Variants in DNAH10 observed in about 807,000 individuals in gnomAD.
The protein encoded by DNAH10 is axonemal beta dynein heavy chain 10.
A neutral mutation model predicts 506.6 loss-of-function variants in DNAH10; 348 were observed. The ratio of observed to expected loss-of-function variants is 0.69; its 90% CI spans 0.63 to 0.75. The LOEUF (loss-of-function observed/expected upper bound fraction) is 0.75, where lower values mean the gene tolerates loss of function less well. DNAH10 is among the 30% of genes least tolerant of loss of function. The probability of loss-of-function intolerance (pLI) is 0.00; values close to 1 mark genes in which losing one functional copy is unlikely to be tolerated. For missense variants in DNAH10, 5,179 were observed against 5,787.1 expected (o/e 0.89, Z 3.41); for synonymous variants, 2,059 against 2,198.6 (o/e 0.94, Z 1.78).
rs199610890 is a variant in DNAH10, at chr12:123,853,246, G to A, written c.6332G>A (p.Arg2111Gln). Residue 2111 changes from arginine (R) to glutamine (Q), a missense_variant, in exon 36 of 79, where the codon CGG (arginine) becomes CAG (glutamine). By Grantham distance (43) the Arg-to-Gln change is conservative. This residue lies in a region of DNAH10 where 4,844 missense variants were observed against 5,430.5 expected (regional missense o/e 0.89). Coordinates refer to ENST00000673944, the MANE Select transcript of DNAH10 (RefSeq NM_001372106.1). The surrounding 1 kb of genome is among the most constrained non-coding windows in gnomAD (Gnocchi z 4.7). ...KKMTVLYKLA[R>Q]EQLSKQYHYD... ...ATGACGGTTCTGTATAAGCTGGCCC[G>A]GGAGCAGCTGTCCAAGCAGTATCAC... The A allele has an allele frequency of 5.7e-5, 91 of 1,610,412 alleles. No individual in the cohort carries two copies. In the African/African-American group the frequency reaches 8.3e-4, roughly 15 times the overall value.
intron 2 of DNAH10, among the ~76,000 whole-genome samples, chr12:123,769,924 T>TTTG (rs1957186036): frequency 1.3e-5 from 2 of 148,338 alleles, no homozygotes; most frequent in Non-Finnish European, 1.5e-5. Flanking sequence ...TGGCTAAGGT[T>TTTG]TTTTTTTTTT....
intron 22 of DNAH10, 36 bp from the exon 23 acceptor site, chr12:123,819,112 A>G: frequency 1.9e-6 from 3 of 1,605,214 alleles, no homozygotes; most frequent in Non-Finnish European, 2.6e-6. Flanking sequence ...TGAAAAACGT[A>G]TTTGGGCTAA....
chr12:123,796,365 G>A (rs531136235), intron 12 of DNAH10, among the ~76,000 whole-genome samples: 1 of 152,254 alleles, frequency 6.6e-6, no homozygotes, highest in Admixed American at 6.5e-5. Context: ...GCTGAGGCAA[G>A]AGAATCACTT....
At chr12:123,778,527 C>G (rs1957524311) in intron 5 of DNAH10, among the ~76,000 whole-genome samples, 1 of 152,064 alleles carries the variant, frequency 6.6e-6, no homozygotes, top group East Asian at 2.0e-4. Context: ...AAACCTCCAT[C>G]TCTACTAAAA....
rs756003442 is a variant in DNAH10 at position 123,931,663 on chromosome 12, A to G, written c.12944A>G (p.Asp4315Gly). Residue 4315 changes from aspartate to glycine, a missense_variant, in exon 75 of 79, where the codon GAT becomes GGT. By Grantham distance (94) the Asp-to-Gly change is moderately conservative. Coordinates refer to ENST00000673944, the MANE Select transcript of DNAH10 (RefSeq NM_001372106.1). ...GAATCCAGCAGTGGTATCAGCCGCG[A>G]TGATTATATTGGCCAAGTGGCCAAA... ...TGESSSGISR[D>G]DYIGQVAKEI... The G allele has an allele frequency of 6.2e-7, 1 of 1,614,018 alleles. No homozygotes were observed. The highest frequency in any genetic ancestry group is 8.5e-7 in the Non-Finnish European group (1 of 1,179,908).
At chr12:123,893,717 T>C (rs1953093124) in intron 53 of DNAH10, among the ~76,000 whole-genome samples, 1 of 152,102 alleles carries the variant, frequency 6.6e-6, no homozygotes. Flanking sequence ...TTGGGAAAAT[T>C]CCACCAGCCT....
intron 5 of DNAH10, among the ~76,000 whole-genome samples, chr12:123,776,729 C>T (rs767367528): frequency 3.3e-5 from 5 of 151,748 alleles, no homozygotes; most frequent in Admixed American, 2.0e-4. Context: ...CAAATCAAGA[C>T]GTGAAGCAGG....
Position 123,845,707 on chromosome 12 carries a change from A to G in DNAH10, c.5468A>G (p.Lys1823Arg). 1 of 1,613,924 alleles carries G rather than the reference A, an allele frequency of 6.2e-7. No homozygotes were observed. The highest frequency in any genetic ancestry group is 2.2e-5 in the East Asian group (1 of 44,870). The change falls in exon 31 of 79, where the codon AAG becomes AGG. Residue 1823 changes from lysine to arginine, a missense_variant. Physicochemically the swap from Lys to Arg is conservative, Grantham distance 26 (BLOSUM62 2). Transcript: ENST00000673944. ...DVFHKAQKGE[K>R]QAMKNYGRKM... ...TTCCACAAAGCGCAAAAAGGGGAGA[A>G]GCAGGCCATGAAGAACTATGGCAGG...
Position 123,931,862 on chromosome 12 carries a change from C to T in DNAH10, c.13128+15C>T, listed in dbSNP as rs375971116. ...AACTTCAAAGGGTGAGCCTGTCTCT[C>T]ATGTGCAGATTACTGCCTAGATACG... On this transcript the variant is annotated intron_variant, in intron 75 of 78. Transcript: ENST00000673944. 22 of 1,613,532 alleles carry T rather than the reference C, an allele frequency of 1.4e-5. No homozygotes were observed. The African/African-American group carries it at 2.8e-4, about 21-fold the overall frequency.
At chr12:123,906,793 A>G (rs1371819982) in intron 57 of DNAH10, among the ~76,000 whole-genome samples, 1 of 152,180 alleles carries the variant, frequency 6.6e-6, no homozygotes, top group African/African-American at 2.4e-5. Context: ...CGGCACTTAC[A>G]TCTTGACAAT....
intron 54 of DNAH10, among the ~76,000 whole-genome samples, chr12:123,895,664 A>G (rs1002782405): frequency 6.6e-6 from 1 of 152,216 alleles, no homozygotes; most frequent in African/African-American, 2.4e-5. Flanking sequence ...TTTGGCCCGT[A>G]GTTGGCCAGC....
At chr12:123,930,292 G>T in intron 72 of DNAH10, 110 bp from the exon 73 acceptor site, 1 of 1,054,516 alleles carries the variant, frequency 9.5e-7, no homozygotes, top group Non-Finnish European at 1.3e-6. Context: ...CCTTGCAGCA[G>T]CCAGGCTGCT....
In DNAH10 at chr12:123,845,687, C is replaced by G. The variant is rs1266348095; in HGVS notation, c.5448C>G (p.His1816Gln). The G allele has an allele frequency of 8.7e-6, 14 of 1,613,548 alleles. No homozygotes were observed. The highest frequency in any genetic ancestry group is 1.7e-5 in the Admixed American group (1 of 60,004). The change falls in exon 31 of 79, where the codon CAC becomes CAG. Residue 1816 changes from histidine to glutamine, a missense_variant. This residue lies in a region of DNAH10 where 4,844 missense variants were observed against 5,430.5 expected (regional missense o/e 0.89). Coordinates refer to ENST00000673944, the MANE Select transcript of DNAH10 (RefSeq NM_001372106.1). ...WWTWEVEDVF[H>Q]KAQKGEKQAM... ...CCTGGGAGGTGGAAGACGTCTTCCA[C>G]AAAGCGCAAAAAGGGGAGAAGCAGG...
chr12:123,880,582 T>C (rs2137058206), intron 50 of DNAH10, among the ~76,000 whole-genome samples: 1 of 152,086 alleles, frequency 6.6e-6, no homozygotes, highest in Admixed American at 6.5e-5. Flanking sequence ...TGGGCTCAAG[T>C]GATCCTCCCT....
intron 8 of DNAH10, among the ~76,000 whole-genome samples, 158 bp downstream of exon 8, chr12:123,784,335 T>G (rs1240117371): frequency 6.6e-6 from 1 of 152,090 alleles, no homozygotes; most frequent in Non-Finnish European, 1.5e-5. Context: ...TCGCTTGAGC[T>G]CAGGAGTTGG....
intron 24 of DNAH10, among the ~76,000 whole-genome samples, chr12:123,821,768 G>C (rs982543166): frequency 6.6e-6 from 1 of 151,638 alleles, no homozygotes; most frequent in Non-Finnish European, 1.5e-5. Context: ...TGCAAGCGGA[G>C]ATTAAAAGTT....
At chr12:123,930,347 G>C (rs1258861138) in intron 72 of DNAH10, 55 bp from the exon 73 acceptor site, 2 of 1,437,970 alleles carry the variant, frequency 1.4e-6, no homozygotes, top group African/African-American at 2.9e-5. Context: ...GGGCCCCCAG[G>C]GTGCACACAG....
At position 123,813,786 on chromosome 12, in the gene DNAH10, T is replaced by C. The variant is rs781182779; in HGVS notation, c.3654T>C (p.Asn1218=). 33 of 1,613,500 alleles carry C rather than the reference T, an allele frequency of 2.0e-5. No individual in the cohort carries two copies. The highest frequency in any genetic ancestry group is 2.7e-5 in the Non-Finnish European group (32 of 1,179,866). ...HLAKNLRKIP[N]TLEDLKFVLA... ...CCAAAAACCTTAGGAAGATCCCCAA[T>C]ACCCTTGAAGATCTCAAGTTTGTCC... Residue 1218 remains asparagine (N), a synonymous_variant, in exon 21 of 79, where the codon AAT becomes AAC. Coordinates refer to ENST00000673944, the MANE Select transcript of DNAH10 (RefSeq NM_001372106.1).
intron 24 of DNAH10, among the ~76,000 whole-genome samples, chr12:123,824,364 G>A (rs550939934): frequency 6.6e-6 from 1 of 152,280 alleles, no homozygotes; most frequent in Admixed American, 6.5e-5. Flanking sequence ...CGTTCCTGTG[G>A]TGATGTTGAG....
Sources: allele counts gnomAD v4.1 joint callset (sites outside exome capture counted in the v4.1 genomes callset), GRCh38; gene constraint gnomAD v4.1.1; regional missense constraint gnomAD v4.1.1; non-coding constraint Gnocchi (gnomAD v3.1); transcripts MANE v1.5; gene names NCBI Gene and HGNC (gene_info 2026-07-23, HGNC 2026-07-21).